STPG2: variants seen among roughly 807,000 people sequenced by gnomAD.
STPG2 encodes the protein sperm-tail PG-rich repeat-containing protein 2.
Under a neutral mutation model 54.2 loss-of-function variants are expected in STPG2, and 56 were observed. The observed-to-expected ratio is 1.03, with a 90% CI of 0.83 to 1.29. The LOEUF is 1.29. Ranked by LOEUF, STPG2 falls within the 50% of genes most tolerant of loss-of-function variation. The probability of loss-of-function intolerance (pLI) is 0.00; values close to 1 mark genes in which losing one functional copy is unlikely to be tolerated. For missense variants in STPG2, 596 were observed against 544.9 expected (o/e 1.09, Z -0.93); for synonymous variants, 200 against 181.8 (o/e 1.10, Z -0.81).
At chr4:97,887,262 G>A (rs1053456869) in intron 8 of STPG2, among the ~76,000 whole-genome samples, 2 of 152,164 alleles carry the variant, frequency 1.3e-5, no homozygotes, top group Admixed American at 6.5e-5. Context: ...CAAGGAGACA[G>A]GAAGATGAGG....
At chr4:97,490,050 C>T (rs1302939035) in intron 4 of STPG2, 1 of 151,482 alleles carries the variant, frequency 6.6e-6, no homozygotes, top group African/African-American at 2.4e-5. Context: ...TATTTTCCCA[C>T]CTCTGTGTTG....
At chr4:98,049,586 G>A (rs998685575) in intron 5 of STPG2, among the ~76,000 whole-genome samples, 1 of 152,072 alleles carries the variant, frequency 6.6e-6, no homozygotes, top group Non-Finnish European at 1.5e-5. Flanking sequence ...CACCATTGGA[G>A]GATGCTAAGC....
At chr4:97,789,684 A>T (rs1436260546) in intron 9 of STPG2, among the ~76,000 whole-genome samples, 1 of 152,186 alleles carries the variant, frequency 6.6e-6, no homozygotes, top group Non-Finnish European at 1.5e-5. Flanking sequence ...TTTAAGACTG[A>T]CTGAATGAAA....
At chr4:97,799,100 T>C (rs2149087859) in intron 9 of STPG2, among the ~76,000 whole-genome samples, 1 of 133,548 alleles carries the variant, frequency 7.5e-6, no homozygotes, top group East Asian at 2.2e-4. Flanking sequence ...ATGGGTGTCC[T>C]GAATACAGCA....
At position 97,561,021 on chromosome 4, in the gene STPG2, G is replaced by C. The variant is rs561556336; in HGVS notation, c.1321-1904C>G. Among the ~76,000 whole-genome samples the C allele has an allele frequency of 1.3e-4, 20 of 152,092 alleles. 1 individual carries two copies. In the South Asian group the frequency reaches 1.5e-3, roughly 11 times the overall value. ...TCTAGTTCTAGATCCCTGAGGAGTC[G>C]CCACACTGACTTCCACAATGGTTGA... On this transcript the variant is annotated intron_variant, in intron 10 of 10. Transcript: ENST00000295268.
At chr4:98,032,523 A>G (rs1406862003) in intron 5 of STPG2, among the ~76,000 whole-genome samples, 3 of 152,218 alleles carry the variant, frequency 2.0e-5, no homozygotes, top group Non-Finnish European at 4.4e-5. Context: ...TGTCAACATT[A>G]GACAGATCAA....
At chr4:97,820,868 T>C (rs927547930) in intron 9 of STPG2, among the ~76,000 whole-genome samples, 4 of 151,942 alleles carry the variant, frequency 2.6e-5, no homozygotes, top group African/African-American at 9.7e-5. Flanking sequence ...CCAGAATGGA[T>C]CCTCCTTCAT....
intron 8 of STPG2, among the ~76,000 whole-genome samples, chr4:97,906,105 T>G (rs1174929175): frequency 6.6e-6 from 1 of 151,358 alleles, no homozygotes; most frequent in Admixed American, 6.6e-5. Context: ...TCAACAAAAC[T>G]GATAGACCGC....
intron 9 of STPG2, among the ~76,000 whole-genome samples, chr4:97,774,500 C>G (rs1341752429): frequency 1.3e-5 from 2 of 152,090 alleles, no homozygotes; most frequent in Non-Finnish European, 2.9e-5. Flanking sequence ...TCACTCACAC[C>G]AAGCATATCA....
At chr4:97,936,105 T>C (rs1180546296) in intron 8 of STPG2, among the ~76,000 whole-genome samples, 1 of 152,236 alleles carries the variant, frequency 6.6e-6, no homozygotes, top group Non-Finnish European at 1.5e-5. Context: ...ATTCTTCTTA[T>C]TAAATTCATC....
At chr4:97,597,840 C>T (rs1339083852) in intron 10 of STPG2, among the ~76,000 whole-genome samples, 1 of 152,090 alleles carries the variant, frequency 6.6e-6, no homozygotes, top group Non-Finnish European at 1.5e-5. Flanking sequence ...ATGATGCCCA[C>T]TCTCACCACT....
At chr4:97,700,228 C>T (rs1723726241) in intron 10 of STPG2, among the ~76,000 whole-genome samples, 1 of 152,178 alleles carries the variant, frequency 6.6e-6, no homozygotes, top group Non-Finnish European at 1.5e-5. Flanking sequence ...CCAATTGGAT[C>T]TGTTGAGTCA....
At chr4:97,720,495 C>T (rs1200670667) in intron 9 of STPG2, among the ~76,000 whole-genome samples, 1 of 151,972 alleles carries the variant, frequency 6.6e-6, no homozygotes, top group East Asian at 1.9e-4. Flanking sequence ...GTCTCAGCAC[C>T]TCCAAAACCA....
intron 10 of STPG2, among the ~76,000 whole-genome samples, chr4:97,614,236 A>G (rs1426098871): frequency 6.6e-6 from 1 of 152,106 alleles, no homozygotes; most frequent in East Asian, 1.9e-4. Context: ...TGTGAATTTA[A>G]CCATGTCATT....
chr4:98,036,099 AT>A (rs1578802017), intron 5 of STPG2, among the ~76,000 whole-genome samples: 1 of 152,164 alleles, frequency 6.6e-6, no homozygotes, highest in Non-Finnish European at 1.5e-5. Context: ...TATAATAAAA[AT>A]AAATAAATTT....
chr4:97,979,871 C>T lies in STPG2; in HGVS notation c.772+1288G>A, dbSNP rs193145450. On this transcript the variant is annotated intron_variant, in intron 6 of 10. Transcript: ENST00000295268. ...TCCCCAATAGCTGGGACTACAGATG[C>T]GCACCACCACACCCGACTAATTTTT... Among the ~76,000 whole-genome samples the T allele has an allele frequency of 1.5e-3, 226 of 151,846 alleles. 1 individual carries two copies. Among genetic ancestry groups the T allele is most frequent in the Non-Finnish European group, 2.1e-3 (140 of 67,912 alleles).
intron 10 of STPG2, among the ~76,000 whole-genome samples, chr4:97,642,267 A>G (rs992054126): frequency 6.6e-6 from 1 of 151,366 alleles, no homozygotes; most frequent in Non-Finnish European, 1.5e-5. Flanking sequence ...TAATTCATAC[A>G]TTTTATATGT....
At chr4:97,743,465 G>T (rs776008409) in intron 9 of STPG2, among the ~76,000 whole-genome samples, 1 of 151,714 alleles carries the variant, frequency 6.6e-6, no homozygotes, top group Non-Finnish European at 1.5e-5. Flanking sequence ...TCTTCTGGAA[G>T]AGTATGATAA....
chr4:97,651,581 C>T (rs975900998), intron 10 of STPG2, among the ~76,000 whole-genome samples: 10 of 152,144 alleles, frequency 6.6e-5, no homozygotes, highest in East Asian at 5.8e-4. Context: ...GAATAACACA[C>T]TTTGATCAAA....
Sources: gnomAD v4.1 joint callset for allele counts (sites outside exome capture counted in the v4.1 genomes callset) on GRCh38, gnomAD v4.1.1 for gene constraint, MANE v1.5 for transcripts, NCBI Gene and HGNC (gene_info 2026-07-23, HGNC 2026-07-21) for gene names.